FAF1: variants seen among roughly 807,000 people sequenced by gnomAD.
FAF1 encodes FAS-associated factor 1.
A neutral mutation model predicts 92.5 loss-of-function variants in FAF1; 25 were observed. The observed-to-expected ratio is 0.27, with a 90% CI of 0.20 to 0.38. The LOEUF is 0.38. Among genes scored for constraint, FAF1 ranks in the 10% least tolerant of loss-of-function variants. The pLI, the probability that FAF1 is intolerant of heterozygous loss-of-function variation, is 1.00. For missense variants in FAF1, 636 were observed against 793.3 expected (o/e 0.80, Z 2.38); for synonymous variants, 234 against 273.2 (o/e 0.86, Z 1.42).
intron 14 of FAF1, among the ~76,000 whole-genome samples, chr1:50,536,380 A>G (rs899639578): frequency 1.3e-5 from 2 of 152,192 alleles, no homozygotes; most frequent in African/African-American, 4.8e-5. Flanking sequence ...CTACAGGCAG[A>G]AAGAGTTAGG....
chr1:50,893,534 TG>T (rs1356319762), intron 1 of FAF1, among the ~76,000 whole-genome samples: 1 of 152,106 alleles, frequency 6.6e-6, no homozygotes, highest in Non-Finnish European at 1.5e-5. Context: ...CCCAAACAAA[TG>T]GAGACTCTCT....
At chr1:50,686,365 A>T (rs868640073) in intron 7 of FAF1, among the ~76,000 whole-genome samples, 1 of 152,076 alleles carries the variant, frequency 6.6e-6, no homozygotes, top group Non-Finnish European at 1.5e-5. Context: ...CAACATGGAG[A>T]AACCCCGTCC....
chr1:50,813,295 T>C (rs957826818), intron 2 of FAF1, among the ~76,000 whole-genome samples: 7 of 152,124 alleles, frequency 4.6e-5, no homozygotes, highest in Non-Finnish European at 7.4e-5. Flanking sequence ...TACATACTTA[T>C]TGCAGAAGAA....
chr1:50,561,974 T>C (rs888895198), intron 13 of FAF1, among the ~76,000 whole-genome samples: 7 of 152,138 alleles, frequency 4.6e-5, no homozygotes, highest in African/African-American at 1.4e-4. Context: ...ACAATGACCA[T>C]ACAATGTAAT....
intron 8 of FAF1, among the ~76,000 whole-genome samples, chr1:50,598,387 A>G (rs1233488985): frequency 6.6e-6 from 1 of 150,672 alleles, no homozygotes; most frequent in African/African-American, 2.4e-5. Context: ...GCTTGAGCCC[A>G]GGAGGTCAAG....
At chr1:50,834,160 G>A (rs1334313858) in intron 2 of FAF1, among the ~76,000 whole-genome samples, 3 of 152,132 alleles carry the variant, frequency 2.0e-5, no homozygotes, top group Admixed American at 6.6e-5. Flanking sequence ...TCCTCCTGGC[G>A]CCAGCCATGT....
At chr1:50,555,802 T>C (rs562222176) in intron 13 of FAF1, among the ~76,000 whole-genome samples, 1 of 152,116 alleles carries the variant, frequency 6.6e-6, no homozygotes, top group Non-Finnish European at 1.5e-5. Flanking sequence ...AAAAGATACC[T>C]GCATGCATAT....
At chr1:50,854,786 T>C (rs930793755) in intron 2 of FAF1, among the ~76,000 whole-genome samples, 5 of 151,868 alleles carry the variant, frequency 3.3e-5, no homozygotes, top group African/African-American at 1.2e-4. Context: ...ATAGCTAAAA[T>C]ATTTGCAATC....
intron 6 of FAF1, among the ~76,000 whole-genome samples, chr1:50,737,043 C>T (rs530792843): frequency 6.6e-6 from 1 of 152,260 alleles, no homozygotes; most frequent in Non-Finnish European, 1.5e-5. Flanking sequence ...TTTACATTAG[C>T]AGGAGTCTCC....
intron 7 of FAF1, among the ~76,000 whole-genome samples, chr1:50,697,843 A>G (rs970195755): frequency 9.9e-5 from 15 of 152,190 alleles, no homozygotes; most frequent in Non-Finnish European, 4.4e-5. Flanking sequence ...ATAAGGTACT[A>G]TACTATAGCC....
intron 8 of FAF1, among the ~76,000 whole-genome samples, chr1:50,608,940 G>C (rs1443178449): frequency 6.6e-6 from 1 of 152,088 alleles, no homozygotes; most frequent in Non-Finnish European, 1.5e-5. Context: ...AGATTCAAGA[G>C]TATGTGTATC....
At chr1:50,640,460 T>A (rs975589298) in intron 8 of FAF1, among the ~76,000 whole-genome samples, 1 of 151,456 alleles carries the variant, frequency 6.6e-6, no homozygotes, top group Non-Finnish European at 1.5e-5. Flanking sequence ...ACCCAGCTAC[T>A]TTTTTTTGTA....
chr1:50,548,262 A>G (rs2149044900), intron 13 of FAF1, among the ~76,000 whole-genome samples: 1 of 152,308 alleles, frequency 6.6e-6, no homozygotes, highest in South Asian at 2.1e-4. Context: ...AATGTAATCT[A>G]GTATATTACT....
chr1:50,456,324 T>A (rs1646352464), intron 18 of FAF1, among the ~76,000 whole-genome samples: 1 of 152,128 alleles, frequency 6.6e-6, no homozygotes, highest in Non-Finnish European at 1.5e-5. Context: ...AAAACACATC[T>A]GAAAATTTTA....
At chr1:50,782,309 C>A (rs1053414638) in intron 4 of FAF1, among the ~76,000 whole-genome samples, 5 of 151,942 alleles carry the variant, frequency 3.3e-5, no homozygotes, top group Non-Finnish European at 7.4e-5. Flanking sequence ...TCCAGTAGGA[C>A]AAGATGTGGA....
At chr1:50,609,580 C>G (rs1343567522) in intron 8 of FAF1, among the ~76,000 whole-genome samples, 6 of 152,044 alleles carry the variant, frequency 3.9e-5, no homozygotes, top group Non-Finnish European at 8.8e-5. Context: ...TAGAGTCTTG[C>G]TATGTTGCCC....
intron 1 of FAF1, among the ~76,000 whole-genome samples, chr1:50,902,742 T>C (rs1644806110): frequency 6.6e-6 from 1 of 152,200 alleles, no homozygotes; most frequent in African/African-American, 2.4e-5. Flanking sequence ...ATCTCTAGAT[T>C]ACTGATAATA....
chr1:50,593,112 G>A (rs1182108265), intron 9 of FAF1, among the ~76,000 whole-genome samples: 1 of 152,008 alleles, frequency 6.6e-6, no homozygotes, highest in Non-Finnish European at 1.5e-5. Flanking sequence ...GGTTATTATA[G>A]GAGGGCAAAA....
intron 1 of FAF1, among the ~76,000 whole-genome samples, chr1:50,871,496 T>C (rs1395136514): frequency 2.0e-5 from 3 of 152,242 alleles, no homozygotes; most frequent in Non-Finnish European, 4.4e-5. Context: ...CCAATGCTTA[T>C]TGACCATTCT....
Sources: allele counts gnomAD v4.1 joint callset (sites outside exome capture counted in the v4.1 genomes callset), GRCh38; gene constraint gnomAD v4.1.1; transcripts MANE v1.5; gene names NCBI Gene and HGNC (gene_info 2026-07-23, HGNC 2026-07-21).